TMEM135: variants seen among roughly 807,000 people sequenced by gnomAD.
TMEM135 encodes peroxisomal membrane protein 52.
TMEM135 carries 30 observed loss-of-function variants against 60.3 expected under a neutral mutation model. The observed-to-expected ratio is 0.50, with a 90% CI of 0.37 to 0.68. The LOEUF is 0.68. Among genes scored for constraint, TMEM135 ranks in the 30% least tolerant of loss-of-function variants. The pLI is 0.00. For synonymous variants in TMEM135, 190 were observed against 186.7 expected (o/e 1.02, Z -0.14); for missense variants, 468 against 548.8 (o/e 0.85, Z 1.47).
At chr11:87,184,150 G>GA (rs1051423350) in intron 5 of TMEM135, among the ~76,000 whole-genome samples, 1 of 151,998 alleles carries the variant, frequency 6.6e-6, no homozygotes, top group African/African-American at 2.4e-5. Flanking sequence ...TATTATATGT[G>GA]AAATTAAAAC....
chr11:87,070,561 A>G (rs1244523534), intron 2 of TMEM135, among the ~76,000 whole-genome samples: 2 of 151,764 alleles, frequency 1.3e-5, no homozygotes, highest in East Asian at 3.9e-4. Context: ...GCTTGAACCC[A>G]GGAGGCAGAG....
At chr11:87,044,943 G>A (rs773548538) in intron 1 of TMEM135, among the ~76,000 whole-genome samples, 2 of 151,770 alleles carry the variant, frequency 1.3e-5, no homozygotes, top group African/African-American at 4.8e-5. Flanking sequence ...CACCACGCCC[G>A]GCCGTCATGT....
chr11:87,059,928 A>G (rs1286886757), intron 1 of TMEM135, among the ~76,000 whole-genome samples: 2 of 152,028 alleles, frequency 1.3e-5, no homozygotes. Flanking sequence ...AGCCTGCATA[A>G]AATGGTGAAA....
chr11:87,273,067 A>T (rs1430995908), intron 6 of TMEM135, among the ~76,000 whole-genome samples: 1 of 152,004 alleles, frequency 6.6e-6, no homozygotes, highest in Non-Finnish European at 1.5e-5. Context: ...AAAACCTCTT[A>T]TATTTATTAT....
At chr11:87,045,610 T>A (rs1051408124) in intron 1 of TMEM135, among the ~76,000 whole-genome samples, 1 of 152,240 alleles carries the variant, frequency 6.6e-6, no homozygotes, top group African/African-American at 2.4e-5. Context: ...TCTACACTAA[T>A]AATCCCTCTG....
intron 1 of TMEM135, among the ~76,000 whole-genome samples, chr11:87,055,731 C>G (rs1243660719): frequency 6.6e-6 from 1 of 152,028 alleles, no homozygotes; most frequent in African/African-American, 2.4e-5. Context: ...GCTGGGACTA[C>G]AAGTATGCGC....
intron 1 of TMEM135, among the ~76,000 whole-genome samples, chr11:87,053,255 T>C (rs1949857395): frequency 6.7e-6 from 1 of 149,466 alleles, no homozygotes; most frequent in Non-Finnish European, 1.5e-5. Context: ...AGTTATGACT[T>C]TGAGAAAAAA....
intron 7 of TMEM135, among the ~76,000 whole-genome samples, chr11:87,296,100 T>C (rs1452247969): frequency 6.6e-6 from 1 of 152,172 alleles, no homozygotes; most frequent in African/African-American, 2.4e-5. Flanking sequence ...TTCAGGGAGC[T>C]TGGAAAGACA....
At chr11:87,259,832 C>T (rs1377486765) in intron 6 of TMEM135, among the ~76,000 whole-genome samples, 5 of 152,174 alleles carry the variant, frequency 3.3e-5, no homozygotes, top group African/African-American at 9.7e-5. Context: ...CTCTGTCTAG[C>T]GTCTTCCCTA....
intron 1 of TMEM135, among the ~76,000 whole-genome samples, chr11:87,066,787 T>C (rs1001746592): frequency 1.3e-5 from 2 of 148,784 alleles, no homozygotes; most frequent in South Asian, 2.1e-4. Flanking sequence ...TTCTTTCTTT[T>C]TTTTTTTTTT....
chr11:87,092,924 A>G (rs558949862), intron 4 of TMEM135, among the ~76,000 whole-genome samples: 2 of 151,544 alleles, frequency 1.3e-5, no homozygotes, highest in East Asian at 1.9e-4. Context: ...TAGGATATAG[A>G]TTTATTTTTA....
chr11:87,042,150 T>C (rs999193687), intron 1 of TMEM135, among the ~76,000 whole-genome samples: 2 of 152,262 alleles, frequency 1.3e-5, no homozygotes, highest in East Asian at 3.8e-4. Flanking sequence ...TATCTGTTTT[T>C]ATGCTTAGGT....
chr11:87,234,732 C>CT (rs1350627973), intron 5 of TMEM135, among the ~76,000 whole-genome samples: 9 of 151,992 alleles, frequency 5.9e-5, no homozygotes, highest in African/African-American at 2.2e-4. Context: ...TTACCCAGAA[C>CT]TAAGATTCAA....
intron 4 of TMEM135, among the ~76,000 whole-genome samples, chr11:87,113,603 G>T (rs1395767182): frequency 6.6e-6 from 1 of 152,086 alleles, no homozygotes; most frequent in Non-Finnish European, 1.5e-5. Context: ...AAGCATGGAA[G>T]AGTGGAAAGA....
intron 6 of TMEM135, among the ~76,000 whole-genome samples, chr11:87,243,759 A>G (rs1466847462): frequency 1.1e-5 from 1 of 90,250 alleles, no homozygotes; most frequent in African/African-American, 4.1e-5. Context: ...GGCTGAGACA[A>G]TGGGGTTTTC....
intron 4 of TMEM135, among the ~76,000 whole-genome samples, chr11:87,153,360 C>G (rs1339173188): frequency 1.3e-5 from 2 of 152,136 alleles, no homozygotes; most frequent in Admixed American, 6.5e-5. Flanking sequence ...TTGACTAGAA[C>G]CTTCTTTCCT....
intron 5 of TMEM135, among the ~76,000 whole-genome samples, chr11:87,226,792 C>A (rs578003987): frequency 1.3e-5 from 2 of 152,222 alleles, no homozygotes; most frequent in Admixed American, 6.5e-5. Context: ...TGCCTGTAAT[C>A]CCAGCACTTT....
intron 4 of TMEM135, among the ~76,000 whole-genome samples, chr11:87,124,142 T>C (rs188137691): frequency 6.6e-6 from 1 of 152,344 alleles, no homozygotes; most frequent in East Asian, 1.9e-4. Context: ...ACGTCTAATT[T>C]AGTTGCTTTG....
intron 6 of TMEM135, among the ~76,000 whole-genome samples, chr11:87,293,692 A>G (rs929484058): frequency 1.3e-5 from 2 of 152,156 alleles, no homozygotes; most frequent in African/African-American, 4.8e-5. Context: ...ACATGATCTC[A>G]TTCCTTTTTA....
Sources: gnomAD v4.1 joint callset for allele counts (sites outside exome capture counted in the v4.1 genomes callset) on GRCh38, gnomAD v4.1.1 for gene constraint, MANE v1.5 for transcripts, NCBI Gene and HGNC (gene_info 2026-07-23, HGNC 2026-07-21) for gene names.